WDFY4: variants seen among roughly 807,000 people sequenced by gnomAD.
The protein encoded by WDFY4 is WD repeat- and FYVE domain-containing protein 4.
WDFY4 carries 169 observed loss-of-function variants against 351.9 expected under a neutral mutation model. That is an observed-to-expected ratio of 0.48 (90% confidence interval 0.42 to 0.55). The LOEUF is 0.55. WDFY4 is among the 20% of genes least tolerant of loss of function. The probability of loss-of-function intolerance (pLI) is 0.00; values close to 1 mark genes in which losing one functional copy is unlikely to be tolerated. For synonymous variants in WDFY4, 1,622 were observed against 1,574.6 expected, an observed-to-expected ratio of 1.03 and a Z score of -0.71; for missense variants, 3,803 against 3,935.6, an observed-to-expected ratio of 0.97 and a Z score of 0.90.
chr10:48,743,458 C>A lies in WDFY4; in HGVS notation c.2369C>A (p.Thr790Asn). ...LRGDLKESLR[T>N]KQGPVVDVQK... ...GGGGACCTGAAGGAGTCCCTGAGGA[C>A]CAAGCAGGGGCCGGTTGTGGATGTT... The change falls in exon 12 of 62, where the codon ACC (threonine) becomes AAC (asparagine). Residue 790 changes from threonine (T) to asparagine (N), a missense_variant. This residue lies in a region of WDFY4 where 3,054 missense variants were observed against 3,148.6 expected (regional missense o/e 0.97). Transcript: ENST00000325239. 5 of 1,549,804 alleles carry A rather than the reference C, an allele frequency of 3.2e-6. No individual in the cohort carries two copies. The highest frequency in any genetic ancestry group is 4.4e-6 in the Non-Finnish European group (5 of 1,146,978).
At chr10:48,798,542 C>A (rs182367070) in intron 24 of WDFY4, among the ~76,000 whole-genome samples, 5 of 152,256 alleles carry the variant, frequency 3.3e-5, no homozygotes, top group African/African-American at 1.2e-4. Context: ...TTCATTTGAA[C>A]AATCTCATCG....
rs1841029741 is a variant in WDFY4, at chr10:48,946,069, C to T, written c.7779C>T (p.Phe2593=). Residue 2593 remains phenylalanine, a synonymous_variant, in exon 50 of 62, where the codon TTC becomes TTT. Transcript: ENST00000325239. ...TGAACTTGGCAAATCCGAAGATTTT[C>T]CGGGATCTTTCAAAGCCCATGGGGG... is the stretch of plus-strand genomic sequence containing the variant. The part of the protein sequence containing the change: ...ETLNLANPKI[F]RDLSKPMGAQ... 1 of 1,545,292 alleles carries T rather than the reference C, an allele frequency of 6.5e-7. No individual in the cohort carries two copies. The highest frequency in any genetic ancestry group is 2.0e-5 in the Admixed American group (1 of 49,102).
At chr10:48,788,346 A>G (rs988209418) in intron 20 of WDFY4, among the ~76,000 whole-genome samples, 184 bp from the exon 21 acceptor site, 1 of 152,212 alleles carries the variant, frequency 6.6e-6, no homozygotes, top group African/African-American at 2.4e-5. Flanking sequence ...TTCTATAACT[A>G]TCAGAGAAGA....
intron 35 of WDFY4, chr10:48,823,127 G>A (rs1178205741): frequency 7.7e-7 from 1 of 1,301,844 alleles, no homozygotes; most frequent in Non-Finnish European, 1.0e-6. Flanking sequence ...TACACACAGA[G>A]AGAATCGTAC....
intron 23 of WDFY4, among the ~76,000 whole-genome samples, chr10:48,792,405 T>G (rs1240248001): frequency 6.6e-6 from 1 of 152,214 alleles, no homozygotes; most frequent in Admixed American, 6.5e-5. Flanking sequence ...ATCCTAAGGT[T>G]TTTTACTCTT....
rs1359889369 is a variant in WDFY4 at position 48,810,655 on chromosome 10, C to T, written c.4964C>T (p.Ser1655Phe). 6.4e-7 allele frequency: 1 copy of T among 1,551,700 alleles called. No individual in the cohort carries two copies. Among genetic ancestry groups the T allele is most frequent in the Middle Eastern group, 1.7e-4 (1 of 5,990 alleles). ...KLLLYFLASP[S>F]LRTRFRDGLC... ...CTGCTGTACTTTCTGGCAAGCCCCT[C>T]CCTCCGCACACGGTTTAGAGATGGC... Residue 1655 changes from serine (S) to phenylalanine (F), a missense_variant, in exon 29 of 62, where the codon TCC becomes TTC. Transcript: ENST00000325239.
intron 12 of WDFY4, among the ~76,000 whole-genome samples, chr10:48,750,962 G>A (rs1331570379): frequency 6.6e-6 from 1 of 152,250 alleles, no homozygotes; most frequent in African/African-American, 2.4e-5. Context: ...GACAGGACAG[G>A]AGGAAAGGCA....
chr10:48,928,353 C>CGTGT (rs3081490), intron 47 of WDFY4, among the ~76,000 whole-genome samples: 19,149 of 124,838 alleles, frequency 0.15, 1,676 homozygotes, highest in East Asian at 0.39. Flanking sequence ...TTGGTTTTGA[C>CGTGT]GTGTGTGTGT....
Position 48,775,753 on chromosome 10 carries a change from C to G in WDFY4, c.2810C>G (p.Thr937Arg), listed in dbSNP as rs1011892424. ...GLGIPSSLSATTKILDSSHTH... is the reference protein window; with the variant it reads ...GLGIPSSLSARTKILDSSHTH... ...GGAATTCCCTCATCTCTGTCGGCCA[C>G]AACAAAAATCCTTGATTCATCTCAC... Residue 937 changes from threonine to arginine, a missense_variant, in exon 15 of 62, where the codon ACA (threonine) becomes AGA (arginine). This residue lies in a region of WDFY4 where 3,054 missense variants were observed against 3,148.6 expected (regional missense o/e 0.97). Coordinates refer to ENST00000325239, the MANE Select transcript of WDFY4 (RefSeq NM_001394531.1). 1.4e-5 allele frequency: 22 copies of G among 1,551,584 alleles called. No homozygotes were observed. The African/African-American group carries it at 3.0e-4, about 21-fold the overall frequency.
chr10:48,697,866 G>A (rs534399908), intron 1 of WDFY4, among the ~76,000 whole-genome samples: 108 of 152,294 alleles, frequency 7.1e-4, no homozygotes, highest in African/African-American at 2.5e-3. Context: ...ACTTTAGGTG[G>A]CATCTTGTCC....
intron 39 of WDFY4, among the ~76,000 whole-genome samples, chr10:48,866,380 G>A (rs2069544627): frequency 6.6e-6 from 1 of 151,866 alleles, no homozygotes; most frequent in Admixed American, 6.5e-5. Context: ...ACTTATTTTT[G>A]AGTTTGCCAA....
At chr10:48,974,499 T>A (rs1842462506) in intron 57 of WDFY4, among the ~76,000 whole-genome samples, 3 of 1,270 alleles carry the variant, frequency 2.4e-3, no homozygotes, top group East Asian at 0.083. Context: ...CAAGACTCCG[T>A]CTCAAAAAAA....
At chr10:48,782,111 C>A (rs921259176) in intron 19 of WDFY4, among the ~76,000 whole-genome samples, 1 of 152,122 alleles carries the variant, frequency 6.6e-6, no homozygotes, top group Non-Finnish European at 1.5e-5. Flanking sequence ...AACTTTTATC[C>A]AGAAGGTAGA....
intron 44 of WDFY4, among the ~76,000 whole-genome samples, chr10:48,895,696 T>C (rs1210250494): frequency 6.6e-6 from 1 of 152,262 alleles, no homozygotes; most frequent in Non-Finnish European, 1.5e-5. Flanking sequence ...ATTTCCAGTG[T>C]ACAAATTGTT....
chr10:48,970,419 GC>G (rs1170855289), intron 57 of WDFY4, 130 bp downstream of exon 57: 2 of 1,289,980 alleles, frequency 1.6e-6, no homozygotes, highest in Non-Finnish European at 2.1e-6. Flanking sequence ...CTCACTGAGG[GC>G]CCTGCCACCC....
At chr10:48,895,116 A>G (rs974676156) in intron 44 of WDFY4, among the ~76,000 whole-genome samples, 2 of 152,198 alleles carry the variant, frequency 1.3e-5, no homozygotes, top group Non-Finnish European at 1.5e-5. Flanking sequence ...CCAGCTGTTC[A>G]GGGGCCTAAG....
At chr10:48,761,421 A>C (rs183079290) in intron 13 of WDFY4, among the ~76,000 whole-genome samples, 131 of 152,246 alleles carry the variant, frequency 8.6e-4, no homozygotes, top group Admixed American at 1.4e-3. Flanking sequence ...AAGAGTTAGG[A>C]GTCTCTGCCT....
chr10:48,856,891 G>A (rs1167799325), intron 39 of WDFY4, among the ~76,000 whole-genome samples: 2 of 152,068 alleles, frequency 1.3e-5, no homozygotes, highest in Non-Finnish European at 2.9e-5. Context: ...TAGCTACTGG[G>A]ACACTGTCAA....
chr10:48,938,287 T>C (rs2941196), intron 47 of WDFY4, among the ~76,000 whole-genome samples: 147,354 of 152,366 alleles, frequency 0.97, 71,461 homozygotes, highest in East Asian at 1. Context: ...GCAGGCCCTC[T>C]GTAGTTGTCT....
Sources: gnomAD v4.1 joint callset for allele counts (sites outside exome capture counted in the v4.1 genomes callset) on GRCh38, gnomAD v4.1.1 for gene constraint, gnomAD v4.1.1 regional missense constraint, MANE v1.5 for transcripts, NCBI Gene and HGNC (gene_info 2026-07-23, HGNC 2026-07-21) for gene names.